Variants in LDLRAD4 observed in about 807,000 individuals in gnomAD.
LDLRAD4 encodes low-density lipoprotein receptor class A domain-containing protein 4.
LDLRAD4 carries 5 observed loss-of-function variants against 17.0 expected under a neutral mutation model. The ratio of observed to expected loss-of-function variants is 0.29; its 90% confidence interval spans 0.15 to 0.62. The LOEUF (loss-of-function observed/expected upper bound fraction) is 0.62. Among genes scored for constraint, LDLRAD4 ranks in the 20% least tolerant of loss-of-function variants. The pLI, the probability that LDLRAD4 is intolerant of heterozygous loss-of-function variation, is 0.84. For synonymous variants in LDLRAD4, 168 were observed against 171.8 expected (o/e 0.98, Z 0.17); for missense variants, 340 against 424.7 (o/e 0.80, Z 1.75).
chr18:13,457,063 A>C (rs1046073180), intron 3 of LDLRAD4, among the ~76,000 whole-genome samples: 1 of 152,224 alleles, frequency 6.6e-6, no homozygotes, highest in Middle Eastern at 3.2e-3. Context: ...CCCACAGCCC[A>C]GCAGTGGACA....
intron 1 of LDLRAD4, among the ~76,000 whole-genome samples, chr18:13,283,665 CTG>C (rs2045424935): frequency 6.6e-6 from 1 of 152,216 alleles, no homozygotes; most frequent in African/African-American, 2.4e-5. Context: ...CTGTCTTCTT[CTG>C]AGCCCTTCAA....
chr18:13,249,857 C>T (rs1459839336), intron 1 of LDLRAD4, among the ~76,000 whole-genome samples: 1 of 152,136 alleles, frequency 6.6e-6, no homozygotes, highest in Non-Finnish European at 1.5e-5. Flanking sequence ...CCTGTGTTTT[C>T]TTCTAATGGT....
At chr18:13,517,448 C>T (rs1410547163) in intron 3 of LDLRAD4, among the ~76,000 whole-genome samples, 4 of 152,224 alleles carry the variant, frequency 2.6e-5, no homozygotes, top group Non-Finnish European at 5.9e-5. Context: ...TTGGAAAGAG[C>T]TTCCTGGTTG....
Position 13,645,713 on chromosome 18 carries a change from T to G in LDLRAD4, c.*56T>G. The G allele has an allele frequency of 7.2e-7, 1 of 1,381,812 alleles. No individual in the cohort carries two copies. The highest frequency in any genetic ancestry group is 9.8e-7 in the Non-Finnish European group (1 of 1,020,308). 85.6% of individuals were successfully genotyped at this position (1,381,812 alleles called of 1,614,324 possible). ...AGAAACCAAGAAGGGAAGCGGCCGCTGGGCCCCTCCTGCGCACAGTGTTGT... is the reference window on the plus strand; with the variant it reads ...AGAAACCAAGAAGGGAAGCGGCCGCGGGGCCCCTCCTGCGCACAGTGTTGT... On this transcript the variant is annotated 3_prime_UTR_variant, in exon 6 of 6. Transcript: ENST00000359446. This position sits in a 1 kb window ranked among gnomAD's most constrained non-coding sequence, Gnocchi z 5.7.
intron 2 of LDLRAD4, among the ~76,000 whole-genome samples, chr18:13,393,086 G>A (rs73954276): frequency 0.019 from 2,915 of 152,066 alleles, 92 homozygotes; most frequent in African/African-American, 0.066. Context: ...GCAGCTCCCG[G>A]CGTGCCCTTC....
chr18:13,390,391 T>G (rs929235657), intron 2 of LDLRAD4, among the ~76,000 whole-genome samples: 1 of 152,222 alleles, frequency 6.6e-6, no homozygotes, highest in African/African-American at 2.4e-5. Flanking sequence ...AACTGGCTGG[T>G]GCCAGTGGCC....
At chr18:13,508,082 A>G (rs1376719951) in intron 3 of LDLRAD4, among the ~76,000 whole-genome samples, 1 of 149,268 alleles carries the variant, frequency 6.7e-6, no homozygotes, top group African/African-American at 2.6e-5. Flanking sequence ...TGACATGAAG[A>G]AAGTTTAAGT....
chr18:13,242,019 G>A (rs1439545953), intron 1 of LDLRAD4: 1 of 152,250 alleles, frequency 6.6e-6, no homozygotes, highest in African/African-American at 2.4e-5. Flanking sequence ...CTACAAGCAC[G>A]GGGCTTCGTG....
intron 1 of LDLRAD4, among the ~76,000 whole-genome samples, chr18:13,371,045 G>GA (rs2084465898): frequency 6.6e-6 from 1 of 152,102 alleles, no homozygotes; most frequent in African/African-American, 2.4e-5. Flanking sequence ...TTTCTCACCG[G>GA]AAAACATTGC....
chr18:13,409,308 G>A (rs1005798851), intron 2 of LDLRAD4, among the ~76,000 whole-genome samples: 2 of 152,208 alleles, frequency 1.3e-5, no homozygotes, highest in Admixed American at 6.5e-5. Context: ...CAGGGAAGGG[G>A]GAGATGTGTG....
At chr18:13,289,945 A>G (rs898817232) in intron 1 of LDLRAD4, among the ~76,000 whole-genome samples, 3 of 152,220 alleles carry the variant, frequency 2.0e-5, no homozygotes, top group African/African-American at 7.2e-5. Flanking sequence ...CCATGGGAAC[A>G]TTCTGGATGT....
At chr18:13,554,959 A>G (rs961822560) in intron 3 of LDLRAD4, among the ~76,000 whole-genome samples, 1 of 152,192 alleles carries the variant, frequency 6.6e-6, no homozygotes, top group African/African-American at 2.4e-5. Flanking sequence ...ACAGTGCTAT[A>G]ATGTGCCGGA....
At chr18:13,553,719 C>T (rs1406320942) in intron 3 of LDLRAD4, among the ~76,000 whole-genome samples, 4 of 152,128 alleles carry the variant, frequency 2.6e-5, no homozygotes, top group Non-Finnish European at 4.4e-5. Flanking sequence ...TGCTGATAAC[C>T]GCGTCTGTCC....
chr18:13,329,673 C>G (rs2081739914), intron 1 of LDLRAD4, among the ~76,000 whole-genome samples: 1 of 152,096 alleles, frequency 6.6e-6, no homozygotes. Context: ...AATCGTTTAT[C>G]TTTGAAATTT....
intron 1 of LDLRAD4, among the ~76,000 whole-genome samples, chr18:13,288,352 C>G (rs1329333585): frequency 6.6e-6 from 1 of 152,082 alleles, no homozygotes; most frequent in Non-Finnish European, 1.5e-5. Context: ...TTAAAGGACA[C>G]GTGTATTGAA....
chr18:13,590,896 A>T (rs1314922475), intron 3 of LDLRAD4, among the ~76,000 whole-genome samples: 1 of 152,226 alleles, frequency 6.6e-6, no homozygotes, highest in African/African-American at 2.4e-5. Flanking sequence ...GATGGAATGG[A>T]GGAAGCAGTG....
chr18:13,531,986 C>A (rs1454321009), intron 3 of LDLRAD4, among the ~76,000 whole-genome samples: 3 of 152,114 alleles, frequency 2.0e-5, no homozygotes, highest in African/African-American at 7.2e-5. Flanking sequence ...TTCACACTGA[C>A]CCCCCACCAC....
At chr18:13,616,279 C>CT (rs1411270343) in intron 3 of LDLRAD4, 3 of 151,892 alleles carry the variant, frequency 2.0e-5, no homozygotes, top group African/African-American at 7.3e-5. Flanking sequence ...CACACACCCC[C>CT]TCGTGAGCTT....
chr18:13,553,801 T>C (rs2094458093), intron 3 of LDLRAD4, among the ~76,000 whole-genome samples: 1 of 152,220 alleles, frequency 6.6e-6, no homozygotes, highest in African/African-American at 2.4e-5. Flanking sequence ...TTCCCCCCTT[T>C]ACTGTTCATA....
Sources: allele counts gnomAD v4.1 joint callset (sites outside exome capture counted in the v4.1 genomes callset), GRCh38; gene constraint gnomAD v4.1.1; non-coding constraint Gnocchi (gnomAD v3.1); transcripts MANE v1.5; gene names NCBI Gene and HGNC (gene_info 2026-07-23, HGNC 2026-07-21).